The following TGM3 variants were observed in gnomAD, a reference collection of about 807,000 sequenced individuals.
TGM3 encodes the protein transglutaminase 3.
A neutral mutation model predicts 73.8 loss-of-function variants in TGM3; 52 were observed. That is an observed-to-expected ratio of 0.70 (90% CI 0.56 to 0.89). The LOEUF is 0.89. TGM3 is among the 40% of genes least tolerant of loss of function. The pLI is 0.00. For missense variants in TGM3, 928 were observed against 909.9 expected (o/e 1.02, Z -0.26); for synonymous variants, 372 against 354.9 (o/e 1.05, Z -0.54).
intron 11 of TGM3, among the ~76,000 whole-genome samples, chr20:2,337,688 C>G (rs1222180718): frequency 6.6e-6 from 1 of 151,896 alleles, no homozygotes; most frequent in Admixed American, 6.6e-5. Context: ...CCACTGCACT[C>G]CAGCCTGGCT....
intron 10 of TGM3, among the ~76,000 whole-genome samples, chr20:2,333,095 A>C (rs1331154521): frequency 6.6e-6 from 1 of 152,350 alleles, no homozygotes; most frequent in East Asian, 1.9e-4. Context: ...CATTGGTAAA[A>C]TCCTTCAAGC....
rs1221906116 is a variant in TGM3 at position 2,328,539 on chromosome 20, G to A, written c.1333+174G>A. Among the ~76,000 whole-genome samples, 1 of 152,210 alleles carries A rather than the reference G, an allele frequency of 6.6e-6. No homozygotes were observed. The highest frequency in any genetic ancestry group is 1.5e-5 in the Non-Finnish European group (1 of 68,040). On this transcript the variant is annotated intron_variant, in intron 9 of 12. Transcript: ENST00000381458. This position sits in a 1 kb window ranked among gnomAD's most constrained non-coding sequence, Gnocchi z 5.2. The stretch of plus-strand genomic sequence containing the variant: ...CACCTCCCAGGACTGTTTCCGGAGG[G>A]AACAAAACCATCACGGGCAGCTGTT...
chr20:2,333,438 C>G (rs1306954456), intron 10 of TGM3, among the ~76,000 whole-genome samples: 2 of 152,134 alleles, frequency 1.3e-5, no homozygotes, highest in Non-Finnish European at 2.9e-5. Context: ...GTCTGCCAGG[C>G]TGAAGTGATC....
chr20:2,335,511 T>C (rs561010619), intron 11 of TGM3, among the ~76,000 whole-genome samples: 1 of 152,368 alleles, frequency 6.6e-6, no homozygotes, highest in African/African-American at 2.4e-5. Flanking sequence ...TGCATTTGCC[T>C]GGCTGCTTCT....
intron 12 of TGM3, 43 bp from the exon 13 acceptor site, chr20:2,340,391 C>T (rs201151054): frequency 1.7e-5 from 28 of 1,610,936 alleles, no homozygotes; most frequent in Admixed American, 3.3e-5. Context: ...AGCCCAAGGT[C>T]CGTGTGTCTC....
rs865858082 is a variant in TGM3, at chr20:2,309,775, G to T, written c.126G>T (p.Met42Ile). The change falls in exon 2 of 13, where the codon ATG becomes ATT. Residue 42 changes from methionine (M) to isoleucine (I), a missense_variant. Physicochemically the swap from Met to Ile is conservative, Grantham distance 10. Transcript: ENST00000381458. The stretch of plus-strand genomic sequence containing the variant: ...GAGGCCAAAACTTCCAGGTCTTAAT[G>T]ATCATGAACAAAGGCCTTGGCTCTA... ...LRRGQNFQVL[M>I]IMNKGLGSNE... The T allele has an allele frequency of 1.2e-6, 2 of 1,614,208 alleles. No homozygotes were observed. The highest frequency in any genetic ancestry group is 3.3e-4 in the Middle Eastern group (2 of 6,062).
At chr20:2,300,242 AAGAAAG>A in intron 1 of TGM3, among the ~76,000 whole-genome samples, 1 of 151,472 alleles carries the variant, frequency 6.6e-6, no homozygotes, top group Non-Finnish European at 1.5e-5. Context: ...GAAAAAAAGA[AAGAAAG>A]AAAGAAAAGA....
intron 7 of TGM3, among the ~76,000 whole-genome samples, chr20:2,321,217 A>C (rs191501601): frequency 6.6e-6 from 1 of 152,374 alleles, no homozygotes; most frequent in African/African-American, 2.4e-5. Context: ...AACAAGATGC[A>C]GGAACTGTGC....
intron 1 of TGM3, among the ~76,000 whole-genome samples, chr20:2,308,964 G>A (rs1450930831): frequency 1.3e-5 from 2 of 150,824 alleles, no homozygotes; most frequent in Non-Finnish European, 2.9e-5. Flanking sequence ...TGCAACCTCC[G>A]CCTCCCAGAT....
chr20:2,319,750 G>T (rs1345818664), intron 7 of TGM3, among the ~76,000 whole-genome samples: 2 of 152,182 alleles, frequency 1.3e-5, no homozygotes, highest in East Asian at 3.9e-4. Context: ...GGAGCTGATA[G>T]TTACTCCCTA....
Position 2,328,069 on chromosome 20 carries a change from G to A in TGM3, c.1088-51G>A, listed in dbSNP as rs1395887706. 1 of 1,610,484 alleles carries A rather than the reference G, an allele frequency of 6.2e-7. No homozygotes were observed. The highest frequency in any genetic ancestry group is 8.5e-7 in the Non-Finnish European group (1 of 1,177,682). On this transcript the variant is annotated intron_variant, in intron 8 of 12. Transcript: ENST00000381458. This position sits in a 1 kb window ranked among gnomAD's most constrained non-coding sequence, Gnocchi z 5.2. Reference sequence around the variant, plus strand: ...GGAAGGCCCTGGGGAATCGGGCACTGGGTAGGTTGTGGCCTTGGCATATAT... The same window carrying A: ...GGAAGGCCCTGGGGAATCGGGCACTAGGTAGGTTGTGGCCTTGGCATATAT...
chr20:2,334,508 A>G lies in TGM3; in HGVS notation c.1643-608A>G, dbSNP rs1052831472. 3.3e-5 allele frequency among the ~76,000 whole-genome samples: 5 copies of G among 152,220 alleles called. No individual in the cohort carries two copies. Among genetic ancestry groups the G allele is most frequent in the African/African-American group, 1.2e-4 (5 of 41,452 alleles). Reference sequence around the variant, plus strand: ...GGGGATGCTGTGGCAGTAGAACCCCAGGCTATTAGATGACGGGGAGGATCC... The same window carrying G: ...GGGGATGCTGTGGCAGTAGAACCCCGGGCTATTAGATGACGGGGAGGATCC... On this transcript the variant is annotated intron_variant, in intron 10 of 12. Transcript: ENST00000381458. This position sits in a 1 kb window ranked among gnomAD's most constrained non-coding sequence, Gnocchi z 4.0.
At chr20:2,330,997 C>G (rs1275893467) in intron 9 of TGM3, among the ~76,000 whole-genome samples, 6 of 102,230 alleles carry the variant, frequency 5.9e-5, no homozygotes, top group African/African-American at 2.8e-4. Context: ...CAGAGTGAGA[C>G]CCTGTCACAA....
chr20:2,312,271 G>T (rs556222515), intron 4 of TGM3, among the ~76,000 whole-genome samples: 1 of 151,220 alleles, frequency 6.6e-6, no homozygotes, highest in Non-Finnish European at 1.5e-5. Context: ...GTGGTGGCAC[G>T]GGCCTGTAAT....
At position 2,310,210 on chromosome 20, in the gene TGM3, G is replaced by C. The variant is rs980802153; in HGVS notation, c.214G>C (p.Ala72Pro). The part of the protein sequence containing the change: ...PYPSESAMTK[A>P]VFPLSNGSSG... ...CCCCTCAGAGTCGGCCATGACGAAGGCTGTGTTTCCACTCTCCAATGGCAG... is the reference window on the plus strand; with the variant it reads ...CCCCTCAGAGTCGGCCATGACGAAGCCTGTGTTTCCACTCTCCAATGGCAG... The change falls in exon 3 of 13, where the codon GCT (alanine) becomes CCT (proline). Residue 72 changes from alanine (A) to proline (P), a missense_variant. Physicochemically the swap from Ala to Pro is conservative, Grantham distance 27. Coordinates refer to ENST00000381458, the MANE Select transcript of TGM3 (RefSeq NM_003245.4). 1.2e-6 allele frequency: 2 copies of C among 1,614,090 alleles called. No homozygotes were observed. The highest frequency in any genetic ancestry group is 1.7e-6 in the Non-Finnish European group (2 of 1,180,046).
At chr20:2,319,693 AC>A (rs1180437062) in intron 7 of TGM3, among the ~76,000 whole-genome samples, 4 of 151,840 alleles carry the variant, frequency 2.6e-5, no homozygotes, top group African/African-American at 9.7e-5. Flanking sequence ...GGATCTTGTC[AC>A]CCCTCCCTTC....
Position 2,339,917 on chromosome 20 carries a change from G to A in TGM3, c.1864G>A (p.Asp622Asn). The A allele has an allele frequency of 6.2e-7, 1 of 1,612,040 alleles. No homozygotes were observed. The highest frequency in any genetic ancestry group is 8.5e-7 in the Non-Finnish European group (1 of 1,178,718). ...NVQMLFSNPL[D>N]EPVRDCVLMV... ...GCAGATGCTCTTCTCCAATCCACTGGATGAGCCGGTGAGGGACTGCGTGCT... is the reference window on the plus strand; with the variant it reads ...GCAGATGCTCTTCTCCAATCCACTGAATGAGCCGGTGAGGGACTGCGTGCT... The change falls in exon 12 of 13, where the codon GAT becomes AAT. Residue 622 changes from aspartate to asparagine, a missense_variant. By Grantham distance (23) the Asp-to-Asn change is conservative. Transcript: ENST00000381458.
intron 8 of TGM3, among the ~76,000 whole-genome samples, chr20:2,326,418 C>T (rs1225823602): frequency 6.6e-6 from 1 of 152,256 alleles, no homozygotes; most frequent in African/African-American, 2.4e-5. Context: ...GCTTCCTCCT[C>T]TGGCCTCCCT....
At chr20:2,308,930 T>G (rs921503418) in intron 1 of TGM3, among the ~76,000 whole-genome samples, 4 of 151,256 alleles carry the variant, frequency 2.6e-5, no homozygotes, top group Admixed American at 2.0e-4. Context: ...CAGGCTGTAG[T>G]GCAATGGCGT....
Sources: gnomAD v4.1 joint callset for allele counts (sites outside exome capture counted in the v4.1 genomes callset) on GRCh38, gnomAD v4.1.1 for gene constraint, Gnocchi (gnomAD v3.1) non-coding constraint, MANE v1.5 for transcripts, NCBI Gene and HGNC (gene_info 2026-07-23, HGNC 2026-07-21) for gene names.